Variants in RGS7 observed in about 807,000 individuals in gnomAD.
RGS7 encodes regulator of G-protein signaling 7.
RGS7 carries 27 observed loss-of-function variants against 81.1 expected under a neutral mutation model. The observed-to-expected ratio is 0.33, with a 90% CI of 0.25 to 0.46. RGS7 has a LOEUF of 0.46. RGS7 is among the 20% of genes least tolerant of loss of function. The pLI, the probability that RGS7 is intolerant of heterozygous loss-of-function variation, is 1.00. For synonymous variants in RGS7, 208 were observed against 207.7 expected, an observed-to-expected ratio of 1.00 and a Z score of -0.01; for missense variants, 396 against 607.4, an observed-to-expected ratio of 0.65 and a Z score of 3.66.
chr1:241,175,688 C>A (rs1375752071), intron 2 of RGS7, among the ~76,000 whole-genome samples: 1 of 152,082 alleles, frequency 6.6e-6, no homozygotes, highest in Non-Finnish European at 1.5e-5. Context: ...CACCACAGAG[C>A]AGGGAGAGGG....
chr1:240,988,869 G>A (rs1014335656), intron 3 of RGS7, among the ~76,000 whole-genome samples: 4 of 152,212 alleles, frequency 2.6e-5, no homozygotes, highest in Admixed American at 6.5e-5. Flanking sequence ...CCAGGAACTG[G>A]CTGGGCACTC....
At chr1:241,262,648 CA>C (rs2077396449) in intron 2 of RGS7, among the ~76,000 whole-genome samples, 2 of 152,214 alleles carry the variant, frequency 1.3e-5, no homozygotes, top group East Asian at 3.9e-4. Flanking sequence ...TATAAAATCG[CA>C]GAGTTTAAAA....
chr1:240,972,696 T>TA (rs34149848), intron 4 of RGS7, among the ~76,000 whole-genome samples: 83 of 103,614 alleles, frequency 8.0e-4, no homozygotes, highest in African/African-American at 2.3e-3. Context: ...TAAAGTATAA[T>TA]AAAAAAAAAA....
At chr1:240,793,608 TA>T (rs1157344122) in intron 18 of RGS7, among the ~76,000 whole-genome samples, 4,932 of 41,530 alleles carry the variant, frequency 0.12, 212 homozygotes, top group Non-Finnish European at 0.18. Context: ...TATATATATA[TA>T]TATTTTTTTT....
At position 240,870,099 on chromosome 1, in the gene RGS7, T is replaced by A. The variant is rs1456990105; in HGVS notation, c.406A>T (p.Thr136Ser). 2 of 1,614,020 alleles carry A rather than the reference T, an allele frequency of 1.2e-6. No homozygotes were observed. Among genetic ancestry groups the A allele is most frequent in the South Asian group, 1.1e-5 (1 of 91,082 alleles). ...TCCAGTCGTGCCTTGTTTTGCATTGTTCTCTTGCAGAGGTAAACGGCTGAA... is the reference window on the plus strand; with the variant it reads ...TCCAGTCGTGCCTTGTTTTGCATTGATCTCTTGCAGAGGTAAACGGCTGAA... ...TDYAVYLCKRTMQNKARLELA... is the reference protein window; with the variant it reads ...TDYAVYLCKRSMQNKARLELA... Residue 136 changes from threonine to serine, a missense_variant, in exon 7 of 19, where the codon ACA becomes TCA. Physicochemically the swap from Thr to Ser is moderately conservative, Grantham distance 58. Coordinates refer to ENST00000440928, the MANE Select transcript of RGS7 (RefSeq NM_001364886.1).
chr1:241,313,933 G>A (rs2080707006), intron 2 of RGS7, among the ~76,000 whole-genome samples: 1 of 152,156 alleles, frequency 6.6e-6, no homozygotes, highest in Non-Finnish European at 1.5e-5. Flanking sequence ...AGAGAACTTG[G>A]ATTTTAAGTG....
intron 2 of RGS7, among the ~76,000 whole-genome samples, chr1:241,256,529 A>G (rs2077058023): frequency 6.6e-6 from 1 of 152,196 alleles, no homozygotes; most frequent in African/African-American, 2.4e-5. Flanking sequence ...GGTTGCCATA[A>G]CAAGAATACC....
intron 2 of RGS7, among the ~76,000 whole-genome samples, chr1:241,258,476 T>C (rs918009633): frequency 2.0e-4 from 31 of 152,216 alleles, no homozygotes; most frequent in African/African-American, 7.0e-4. Context: ...TACATATTTA[T>C]TGGGAGCTAC....
At chr1:241,073,820 C>T (rs2062627364) in intron 3 of RGS7, among the ~76,000 whole-genome samples, 2 of 152,010 alleles carry the variant, frequency 1.3e-5, no homozygotes, top group African/African-American at 4.8e-5. Flanking sequence ...TGAATCTCTG[C>T]AATTGTGGCA....
At chr1:240,826,453 T>G (rs147981318) in intron 10 of RGS7, among the ~76,000 whole-genome samples, 217 of 152,240 alleles carry the variant, frequency 1.4e-3, no homozygotes, top group African/African-American at 4.5e-3. Flanking sequence ...ACCTTGAACT[T>G]TGTGGAATGT....
chr1:240,940,687 GA>G (rs1312938189), intron 4 of RGS7, among the ~76,000 whole-genome samples: 2 of 152,188 alleles, frequency 1.3e-5, no homozygotes, highest in Non-Finnish European at 2.9e-5. Context: ...CTAAGCATAG[GA>G]AAGAGTGTGA....
chr1:241,016,205 A>G (rs1225557138), intron 3 of RGS7, among the ~76,000 whole-genome samples: 2 of 152,186 alleles, frequency 1.3e-5, no homozygotes, highest in Non-Finnish European at 2.9e-5. Context: ...CCAGGTTTAA[A>G]TTCCTTAGAA....
At chr1:240,975,424 C>CAAAA (rs1307805376) in intron 4 of RGS7, among the ~76,000 whole-genome samples, 9 of 151,782 alleles carry the variant, frequency 5.9e-5, no homozygotes, top group African/African-American at 1.2e-4. Flanking sequence ...AACAAACAAA[C>CAAAA]AAAAAAACAC....
chr1:241,229,257 C>T (rs2148048671), intron 2 of RGS7, among the ~76,000 whole-genome samples: 1 of 152,290 alleles, frequency 6.6e-6, no homozygotes, highest in East Asian at 1.9e-4. Flanking sequence ...AAGAAAAAGT[C>T]CCCTCATACT....
chr1:240,887,171 T>A (rs936115249), intron 6 of RGS7, among the ~76,000 whole-genome samples: 1 of 152,066 alleles, frequency 6.6e-6, no homozygotes, highest in Non-Finnish European at 1.5e-5. Context: ...AAGAAAATTA[T>A]AGCAAGTTCT....
chr1:241,265,738 T>C (rs904252754), intron 2 of RGS7, among the ~76,000 whole-genome samples: 2 of 150,972 alleles, frequency 1.3e-5, no homozygotes, highest in Middle Eastern at 3.2e-3. Flanking sequence ...GGATAAAATA[T>C]TAGCAGCCAA....
chr1:240,939,387 G>A (rs1223109200), intron 4 of RGS7, among the ~76,000 whole-genome samples: 1 of 152,064 alleles, frequency 6.6e-6, no homozygotes, highest in Non-Finnish European at 1.5e-5. Flanking sequence ...AAAAAGCTAG[G>A]CTGAGTGAGG....
chr1:241,040,012 C>T (rs554558362), intron 3 of RGS7, among the ~76,000 whole-genome samples: 3 of 152,302 alleles, frequency 2.0e-5, no homozygotes, highest in Admixed American at 1.3e-4. Context: ...ATTTCAAGTG[C>T]CCAACGGCTG....
intron 9 of RGS7, among the ~76,000 whole-genome samples, chr1:240,846,430 C>T (rs1659096445): frequency 6.6e-6 from 1 of 152,102 alleles, no homozygotes; most frequent in Non-Finnish European, 1.5e-5. Flanking sequence ...CCTTATTCCC[C>T]TCTTGATCTA....
Sources: gnomAD v4.1 joint callset for allele counts (sites outside exome capture counted in the v4.1 genomes callset) on GRCh38, gnomAD v4.1.1 for gene constraint, MANE v1.5 for transcripts, NCBI Gene and HGNC (gene_info 2026-07-23, HGNC 2026-07-21) for gene names.